Variants in ADGRB3 observed in about 807,000 individuals in gnomAD.
The protein encoded by ADGRB3 is adhesion G protein-coupled receptor B3, also known as brain-specific angiogenesis inhibitor 3.
In ADGRB3, 37 loss-of-function variants were observed where a neutral mutation model predicts 193.4. The ratio of observed to expected loss-of-function variants is 0.19; its 90% CI spans 0.15 to 0.25. ADGRB3 has a LOEUF of 0.25. Among genes scored for constraint, ADGRB3 ranks in the 10% least tolerant of loss-of-function variants. The pLI is 1.00. For missense variants in ADGRB3, 1,637 were observed against 1,852.9 expected (o/e 0.88, Z 2.14); for synonymous variants, 690 against 644.2 (o/e 1.07, Z -1.08).
At chr6:69,093,521 G>A (rs920070081) in intron 17 of ADGRB3, among the ~76,000 whole-genome samples, 1 of 151,738 alleles carries the variant, frequency 6.6e-6, no homozygotes, top group South Asian at 2.1e-4. Flanking sequence ...GGCAGCCTAG[G>A]TTCAGGGGGA....
chr6:68,749,538 A>C (rs1196692950), intron 3 of ADGRB3, among the ~76,000 whole-genome samples: 1 of 151,676 alleles, frequency 6.6e-6, no homozygotes, highest in Admixed American at 6.6e-5. Context: ...CCATATTCTA[A>C]TGTTGAATAA....
chr6:68,639,510 C>A, intron 3 of ADGRB3, 78 bp downstream of exon 3: 1 of 1,410,964 alleles, frequency 7.1e-7, no homozygotes, highest in African/African-American at 1.4e-5. Context: ...TTTCAACACA[C>A]AGGCCTAATT....
At chr6:69,303,481 G>T (rs1767994780) in intron 20 of ADGRB3, among the ~76,000 whole-genome samples, 1 of 151,738 alleles carries the variant, frequency 6.6e-6, no homozygotes, top group African/African-American at 2.4e-5. Flanking sequence ...AGACCTTTAT[G>T]ATGAGACACT....
At chr6:68,909,870 G>A (rs543768275) in intron 3 of ADGRB3, among the ~76,000 whole-genome samples, 12 of 152,252 alleles carry the variant, frequency 7.9e-5, no homozygotes, top group African/African-American at 1.2e-4. Context: ...ATAAACATAC[G>A]TGTGCATGTC....
At chr6:68,912,344 TTTA>T in intron 3 of ADGRB3, among the ~76,000 whole-genome samples, 1 of 151,708 alleles carries the variant, frequency 6.6e-6, no homozygotes, top group Non-Finnish European at 1.5e-5. Context: ...ATCTTCTTTT[TTTA>T]TTATTTTATT....
intron 18 of ADGRB3, among the ~76,000 whole-genome samples, chr6:69,234,812 A>G (rs563274424): frequency 6.6e-6 from 1 of 152,266 alleles, no homozygotes; most frequent in Non-Finnish European, 1.5e-5. Flanking sequence ...TTAAAACTCT[A>G]ATGACTTTAT....
intron 3 of ADGRB3, among the ~76,000 whole-genome samples, chr6:68,906,405 G>T (rs925739531): frequency 6.6e-6 from 1 of 150,616 alleles, no homozygotes; most frequent in African/African-American, 2.5e-5. Flanking sequence ...CTACAAGCAA[G>T]AAGGTATACC....
intron 17 of ADGRB3, among the ~76,000 whole-genome samples, chr6:69,098,862 A>G (rs1178257454): frequency 6.6e-6 from 1 of 152,232 alleles, no homozygotes. Context: ...CTATCTTAAA[A>G]TGTCACGAGT....
intron 26 of ADGRB3, 44 bp downstream of exon 26, chr6:69,339,548 G>T: frequency 6.4e-7 from 1 of 1,560,398 alleles, no homozygotes; most frequent in Non-Finnish European, 8.8e-7. Flanking sequence ...GGTTGGAATG[G>T]TATTTCCTTG....
At chr6:68,912,635 T>C (rs990362893) in intron 3 of ADGRB3, among the ~76,000 whole-genome samples, 7 of 152,106 alleles carry the variant, frequency 4.6e-5, no homozygotes, top group Non-Finnish European at 1.0e-4. Flanking sequence ...GTTTTGTCCT[T>C]GCGATAGTTT....
intron 3 of ADGRB3, among the ~76,000 whole-genome samples, chr6:68,915,224 A>G (rs1446644804): frequency 2.0e-5 from 3 of 152,202 alleles, no homozygotes; most frequent in East Asian, 1.9e-4. Flanking sequence ...ATGATGGACA[A>G]GTAACATAAC....
intron 17 of ADGRB3, among the ~76,000 whole-genome samples, chr6:69,221,283 C>T (rs1181586058): frequency 6.6e-6 from 1 of 152,138 alleles, no homozygotes; most frequent in Non-Finnish European, 1.5e-5. Context: ...TAAATATCAA[C>T]TTGCACTGTA....
Position 69,072,068 on chromosome 6 carries a change from C to T in ADGRB3, c.2437-3927C>T, listed in dbSNP as rs193218030. Among the ~76,000 whole-genome samples, 7 of 151,924 alleles carry T rather than the reference C, an allele frequency of 4.6e-5. No individual in the cohort carries two copies. The East Asian group carries it at 5.8e-4, about 13-fold the overall frequency. ...ATTCATCATTGGTTGCTTTGTTTTC[C>T]GTGTCACATTCTTATTATTTAAGTG... On this transcript the variant is annotated intron_variant, in intron 16 of 31. Coordinates refer to ENST00000370598, the MANE Select transcript of ADGRB3 (RefSeq NM_001704.3).
intron 13 of ADGRB3, among the ~76,000 whole-genome samples, chr6:69,031,553 T>TTTC (rs1554248806): frequency 9.2e-5 from 10 of 108,624 alleles, no homozygotes; most frequent in African/African-American, 1.3e-4. Flanking sequence ...TTCTTTCTTT[T>TTTC]TCTTTCTTTC....
chr6:68,735,798 C>A (rs1278730275), intron 3 of ADGRB3, among the ~76,000 whole-genome samples: 1 of 152,014 alleles, frequency 6.6e-6, no homozygotes, highest in Non-Finnish European at 1.5e-5. Context: ...CAGCAAATTC[C>A]TAATATCTAA....
chr6:68,987,804 ATG>A (rs1475695848), intron 10 of ADGRB3, among the ~76,000 whole-genome samples: 1 of 152,142 alleles, frequency 6.6e-6, no homozygotes, highest in Non-Finnish European at 1.5e-5. Context: ...CTTATAAAAC[ATG>A]TAGTCTCATG....
intron 3 of ADGRB3, 32 bp downstream of exon 3, chr6:68,639,464 G>C (rs1273945164): frequency 2.2e-5 from 34 of 1,552,360 alleles, no homozygotes; most frequent in Non-Finnish European, 2.9e-5. Flanking sequence ...AGGTGAGCGG[G>C]GGAGCACTTT....
At chr6:69,331,198 C>T (rs1182777718) in intron 23 of ADGRB3, among the ~76,000 whole-genome samples, 2 of 152,028 alleles carry the variant, frequency 1.3e-5, no homozygotes, top group Admixed American at 1.3e-4. Flanking sequence ...AGAATCATTC[C>T]CATATGTTAT....
intron 11 of ADGRB3, among the ~76,000 whole-genome samples, chr6:69,003,283 G>A (rs532006411): frequency 1.3e-5 from 2 of 152,228 alleles, no homozygotes; most frequent in East Asian, 3.9e-4. Flanking sequence ...AAGAAAGAAA[G>A]GTTGAATGTT....
Sources: allele counts gnomAD v4.1 joint callset (sites outside exome capture counted in the v4.1 genomes callset), GRCh38; gene constraint gnomAD v4.1.1; transcripts MANE v1.5; gene names NCBI Gene and HGNC (gene_info 2026-07-23, HGNC 2026-07-21).